The following COL15A1 variants were observed in gnomAD, a reference collection of about 807,000 sequenced individuals.
The protein encoded by COL15A1 is collagen type XV alpha 1 chain.
Under a neutral mutation model 165.9 loss-of-function variants are expected in COL15A1, and 111 were observed. The ratio of observed to expected loss-of-function variants is 0.67; its 90% CI spans 0.57 to 0.78. The LOEUF is 0.78. Among genes scored for constraint, COL15A1 ranks in the 30% least tolerant of loss-of-function variants. The pLI, the probability that COL15A1 is intolerant of heterozygous loss-of-function variation, is 0.00. For missense variants in COL15A1, 1,745 were observed against 1,789.7 expected (o/e 0.98, Z 0.45); for synonymous variants, 659 against 674.8 (o/e 0.98, Z 0.36).
chr9:98,989,843 G>C (rs970873285), intron 5 of COL15A1, among the ~76,000 whole-genome samples: 3 of 152,166 alleles, frequency 2.0e-5, no homozygotes, highest in Admixed American at 2.0e-4. Context: ...CAGTGGCCTG[G>C]ACCTCCTCCC....
At chr9:99,054,425 T>G in intron 31 of COL15A1, 151 bp from the exon 32 acceptor site, 1 of 772,830 alleles carries the variant, frequency 1.3e-6, no homozygotes, top group Non-Finnish European at 2.0e-6. Flanking sequence ...TCTGCCCTCT[T>G]TATGATTTTA....
intron 39 of COL15A1, among the ~76,000 whole-genome samples, chr9:99,065,428 G>A (rs1825875385): frequency 6.6e-6 from 1 of 152,006 alleles, no homozygotes; most frequent in Non-Finnish European, 1.5e-5. Flanking sequence ...GGGGGTGGGG[G>A]CAGTATAGTC....
In COL15A1 at chr9:98,985,923, G is replaced by T. The variant is rs567540031; in HGVS notation, c.459G>T (p.Ser153=). Reference sequence around the variant, plus strand: ...TGTCCCAAGAGGCTGCTGCCTTCTCGGTGCCTGTGATGACCCACAGGTGGA... The same window carrying T: ...TGTCCCAAGAGGCTGCTGCCTTCTCTGTGCCTGTGATGACCCACAGGTGGA... ...SHVSQEAAAF[S]VPVMTHRWNR... The change falls in exon 3 of 42, where the codon TCG becomes TCT. Residue 153 remains serine (S), a synonymous_variant. Transcript: ENST00000375001. The T allele has an allele frequency of 1.2e-6, 2 of 1,613,902 alleles. No individual in the cohort carries two copies. The highest frequency in any genetic ancestry group is 4.5e-5 in the East Asian group (2 of 44,876).
Position 99,067,031 on chromosome 9 carries a change from A to G in COL15A1, c.3801A>G (p.Lys1267=). The change falls in exon 40 of 42, where the codon AAA becomes AAG. Residue 1267 remains lysine, a synonymous_variant. Transcript: ENST00000375001. ...AAGATCTGTCCACCATTGTGAGGAA[A>G]GCAGAGAGATACAGCCTTCCCATAG... The part of the protein sequence containing the change: ...HLQDLSTIVR[K]AERYSLPIVN... 2 of 1,614,148 alleles carry G rather than the reference A, an allele frequency of 1.2e-6. No individual in the cohort carries two copies. The highest frequency in any genetic ancestry group is 2.2e-5 in the East Asian group (1 of 44,886).
chr9:99,049,255 T>G (rs1839544219), intron 28 of COL15A1, among the ~76,000 whole-genome samples: 1 of 152,220 alleles, frequency 6.6e-6, no homozygotes, highest in Non-Finnish European at 1.5e-5. Context: ...CTTGCATTTC[T>G]GAGACACATT....
intron 2 of COL15A1, among the ~76,000 whole-genome samples, chr9:98,983,733 C>T (rs1838265947): frequency 6.6e-6 from 1 of 152,168 alleles, no homozygotes; most frequent in African/African-American, 2.4e-5. Context: ...ATGTTTGTTG[C>T]ACTGCTACCA....
Position 99,055,348 on chromosome 9 carries a change from C to A in COL15A1, c.3168C>A (p.Gly1056=). The part of the protein sequence containing the change: ...NGSFLMSGPP[G]LPGNPGPAGQ... Reference sequence around the variant, plus strand: ...GCTTCCTTATGTCTGGGCCTCCAGGCCTGCCCGGAAATCCAGGCCCGGCTG... The same window carrying A: ...GCTTCCTTATGTCTGGGCCTCCAGGACTGCCCGGAAATCCAGGCCCGGCTG... Residue 1056 remains glycine, a synonymous_variant, in exon 34 of 42, where the codon GGC becomes GGA. Transcript: ENST00000375001. 6.2e-7 allele frequency: 1 copy of A among 1,613,024 alleles called. No individual in the cohort carries two copies. Among genetic ancestry groups the A allele is most frequent in the East Asian group, 2.2e-5 (1 of 44,884 alleles).
intron 23 of COL15A1, chr9:99,041,266 A>G (rs775712805): frequency 6.6e-6 from 1 of 152,290 alleles, no homozygotes; most frequent in East Asian, 1.9e-4. Flanking sequence ...TCACTGCTAA[A>G]CAATAATAAC....
At chr9:99,054,230 C>G (rs1307947472) in intron 31 of COL15A1, among the ~76,000 whole-genome samples, 1 of 152,230 alleles carries the variant, frequency 6.6e-6, no homozygotes, top group Non-Finnish European at 1.5e-5. Context: ...GGTGCTGAGT[C>G]TCTGTCTTCA....
At chr9:98,955,073 A>G (rs1161959891) in intron 2 of COL15A1, among the ~76,000 whole-genome samples, 1 of 152,236 alleles carries the variant, frequency 6.6e-6, no homozygotes, top group East Asian at 1.9e-4. Flanking sequence ...GGGGATTCCA[A>G]GGGGGCCTGG....
intron 5 of COL15A1, among the ~76,000 whole-genome samples, chr9:98,993,502 C>T (rs1162018970): frequency 1.3e-5 from 2 of 152,136 alleles, no homozygotes; most frequent in Admixed American, 6.5e-5. Flanking sequence ...AATGCCTTCC[C>T]TGTGCACCCG....
chr9:99,066,220 T>G (rs963383912), intron 39 of COL15A1, among the ~76,000 whole-genome samples: 1 of 152,020 alleles, frequency 6.6e-6, no homozygotes, highest in African/African-American at 2.4e-5. Flanking sequence ...GGCTGGGTTT[T>G]GGGAGAGAAA....
chr9:99,022,355 CAGA>C (rs1839042710), intron 13 of COL15A1, among the ~76,000 whole-genome samples: 1 of 152,210 alleles, frequency 6.6e-6, no homozygotes, highest in Non-Finnish European at 1.5e-5. Flanking sequence ...TTGAGCATCC[CAGA>C]AGTTCTTCAA....
chr9:99,055,321 C>T lies in COL15A1; in HGVS notation c.3141C>T (p.Gly1047=). 1.2e-6 allele frequency: 2 copies of T among 1,613,942 alleles called. No individual in the cohort carries two copies. Among genetic ancestry groups the T allele is most frequent in the African/African-American group, 1.3e-5 (1 of 75,038 alleles). Residue 1047 remains glycine (G), a synonymous_variant, in exon 34 of 42, where the codon GGC becomes GGT. Transcript: ENST00000375001. The part of the protein sequence containing the change: ...GEKGEKGDIN[G]SFLMSGPPGL... ...AAGGAGAAAAAGGAGACATTAATGG[C>T]AGCTTCCTTATGTCTGGGCCTCCAG...
chr9:99,016,058 C>G lies in COL15A1; in HGVS notation c.1586C>G (p.Pro529Arg). 6.2e-7 allele frequency: 1 copy of G among 1,613,964 alleles called. No individual in the cohort carries two copies. Among genetic ancestry groups the G allele is most frequent in the Non-Finnish European group, 8.5e-7 (1 of 1,179,874 alleles). ...ITAGGEESGSPPPDGPPLPLP... is the reference protein window; with the variant it reads ...ITAGGEESGSRPPDGPPLPLP... ...GCTGGGGGTGAAGAGTCCGGCAGCC[C>G]TCCCCCTGATGGGCCACCGCTGCCC... Residue 529 changes from proline to arginine, a missense_variant, in exon 11 of 42, where the codon CCT becomes CGT. Physicochemically the swap from Pro to Arg is moderately radical, Grantham distance 103. Transcript: ENST00000375001.
In COL15A1 at chr9:99,042,105, C is replaced by G; in HGVS notation, c.2572C>G (p.Gln858Glu). Reference sequence around the variant, plus strand: ...TGGCTTTCCAGGACTAAAAGGAGAACAGGTAAGAGGGGCCCAGGTATCTGA... The same window carrying G: ...TGGCTTTCCAGGACTAAAAGGAGAAGAGGTAAGAGGGGCCCAGGTATCTGA... ...LPGFPGLKGEQGEKGEPGAIL... is the reference protein window; with the variant it reads ...LPGFPGLKGEEGEKGEPGAIL... Residue 858 changes from glutamine (Q) to glutamate (E), a missense_variant and splice_region_variant, in exon 24 of 42, where the codon CAG becomes GAG. By Grantham distance (29) the Gln-to-Glu change is conservative. Coordinates refer to ENST00000375001, the MANE Select transcript of COL15A1 (RefSeq NM_001855.5). The G allele has an allele frequency of 6.2e-7, 1 of 1,610,618 alleles. No individual in the cohort carries two copies. The highest frequency in any genetic ancestry group is 8.5e-7 in the Non-Finnish European group (1 of 1,177,786).
Position 98,985,949 on chromosome 9 carries a change from A to G in COL15A1, c.485A>G (p.Asn162Ser), listed in dbSNP as rs775770612. 2.5e-6 allele frequency: 4 copies of G among 1,613,912 alleles called. No homozygotes were observed. Among genetic ancestry groups the G allele is most frequent in the Non-Finnish European group, 2.5e-6 (3 of 1,180,002 alleles). Reference sequence around the variant, plus strand: ...GTGCCTGTGATGACCCACAGGTGGAACCGCTTCGCCATGATTGTCCAGGGT... The same window carrying G: ...GTGCCTGTGATGACCCACAGGTGGAGCCGCTTCGCCATGATTGTCCAGGGT... ...FSVPVMTHRW[N>S]RFAMIVQGEE... is the part of the protein sequence containing the mutation. The change falls in exon 3 of 42, where the codon AAC becomes AGC. Residue 162 changes from asparagine (N) to serine (S), a missense_variant. Coordinates refer to ENST00000375001, the MANE Select transcript of COL15A1 (RefSeq NM_001855.5).
At chr9:99,006,498 G>A (rs1360566618) in intron 9 of COL15A1, among the ~76,000 whole-genome samples, 1 of 152,224 alleles carries the variant, frequency 6.6e-6, no homozygotes, top group East Asian at 1.9e-4. Flanking sequence ...CAGCCTTTTA[G>A]CATCCATGCT....
intron 37 of COL15A1, 22 bp downstream of exon 37, chr9:99,062,121 A>G: frequency 1.2e-6 from 2 of 1,613,590 alleles, no homozygotes; most frequent in Non-Finnish European, 1.7e-6. Context: ...ACTTCCTTTA[A>G]CACACTGCCT....
Sources: gnomAD v4.1 joint callset for allele counts (sites outside exome capture counted in the v4.1 genomes callset) on GRCh38, gnomAD v4.1.1 for gene constraint, MANE v1.5 for transcripts, NCBI Gene and HGNC (gene_info 2026-07-23, HGNC 2026-07-21) for gene names.